The following GRIP1 variants were observed in gnomAD, a reference collection of about 807,000 sequenced individuals.
The protein encoded by GRIP1 is glutamate receptor interacting protein 1, also known as glutamate receptor-interacting protein 1.
GRIP1 carries 45 observed loss-of-function variants against 129.9 expected under a neutral mutation model. The observed-to-expected ratio is 0.35, with a 90% confidence interval of 0.27 to 0.44. The LOEUF (loss-of-function observed/expected upper bound fraction) is 0.44, where lower values mean the gene tolerates loss of function less well. Among genes scored for constraint, GRIP1 ranks in the 20% least tolerant of loss-of-function variants. GRIP1 has a pLI of 1.00. For synonymous variants in GRIP1, 530 were observed against 520.8 expected (o/e 1.02, Z -0.24); for missense variants, 1,196 against 1,396.8 (o/e 0.86, Z 2.29).
At chr12:66,522,070 C>T (rs562682041) in intron 5 of GRIP1, among the ~76,000 whole-genome samples, 1 of 152,308 alleles carries the variant, frequency 6.6e-6, no homozygotes, top group East Asian at 1.9e-4. Flanking sequence ...ATCCACCTCT[C>T]GGGGCAGGGC....
intron 11 of GRIP1, among the ~76,000 whole-genome samples, chr12:66,447,228 G>T (rs1030814617): frequency 2.0e-5 from 3 of 151,856 alleles, no homozygotes; most frequent in African/African-American, 7.3e-5. Context: ...TTTTAATAAT[G>T]CATCTCCTAG....
At chr12:67,046,995 A>C (rs1288516993) in intron 1 of GRIP1, among the ~76,000 whole-genome samples, 1 of 152,198 alleles carries the variant, frequency 6.6e-6, no homozygotes, top group Non-Finnish European at 1.5e-5. Context: ...TTACCTAATC[A>C]AACTGACATT....
intron 23 of GRIP1, among the ~76,000 whole-genome samples, chr12:66,359,863 C>G (rs1222701270): frequency 6.6e-6 from 1 of 151,972 alleles, no homozygotes; most frequent in African/African-American, 2.4e-5. Context: ...TGCCATATAC[C>G]CCTGTTTACC....
rs908653394 is a variant in GRIP1, at chr12:66,992,148, AATTGC to A, written c.58+76897_58+76901del. 6.8e-4 allele frequency among the ~76,000 whole-genome samples: 103 copies of A among 152,340 alleles called. 1 individual carries two copies. The highest frequency in any genetic ancestry group is 6.8e-3 in the Middle Eastern group (2 of 294). ...CCTCCAAATGCAGATATCCAGAAACAATTGCAAAAAATTAAAGCATAATTTATGAA... is the reference window on the plus strand; with the variant it reads ...CCTCCAAATGCAGATATCCAGAAACAAAAAAATTAAAGCATAATTTATGAA... On this transcript the variant is annotated intron_variant, in intron 1 of 1. Transcript: ENST00000643019.
At chr12:66,875,424 G>A (rs573128785) in intron 1 of GRIP1, among the ~76,000 whole-genome samples, 1 of 152,182 alleles carries the variant, frequency 6.6e-6, no homozygotes, top group Admixed American at 6.6e-5. Context: ...TGACCTGGAT[G>A]AGGTTACATA....
At chr12:66,677,020 C>A (rs1292749049) in intron 1 of GRIP1, among the ~76,000 whole-genome samples, 2 of 152,108 alleles carry the variant, frequency 1.3e-5, no homozygotes, top group Non-Finnish European at 2.9e-5. Context: ...CAAAGAAGAA[C>A]CCAATTATGG....
At chr12:66,462,801 C>CAAAA (rs34456744) in intron 9 of GRIP1, 123 bp downstream of exon 9, 117 of 363,364 alleles carry the variant, frequency 3.2e-4, no homozygotes, top group Middle Eastern at 1.7e-3. Flanking sequence ...GACTCCATCT[C>CAAAA]AAAAAAAAAA....
At chr12:66,583,590 G>T (rs2063493209) in intron 2 of GRIP1, among the ~76,000 whole-genome samples, 1 of 138,076 alleles carries the variant, frequency 7.2e-6, no homozygotes, top group East Asian at 2.1e-4. Flanking sequence ...ATCAAAAAGT[G>T]GGCGAAGGAC....
chr12:67,055,484 T>C (rs528718519), intron 1 of GRIP1, among the ~76,000 whole-genome samples: 1 of 152,168 alleles, frequency 6.6e-6, no homozygotes, highest in East Asian at 1.9e-4. Context: ...CAAGACAGGG[T>C]TGTAGTTATT....
chr12:66,824,811 G>A (rs2039380584), intron 1 of GRIP1, among the ~76,000 whole-genome samples: 1 of 151,920 alleles, frequency 6.6e-6, no homozygotes, highest in South Asian at 2.1e-4. Context: ...TTAAGAGGGG[G>A]CATAATTTTT....
intron 1 of GRIP1, among the ~76,000 whole-genome samples, chr12:66,645,068 A>G (rs2032246981): frequency 2.0e-5 from 3 of 152,210 alleles, no homozygotes; most frequent in African/African-American, 7.2e-5. Context: ...ACAAATTCAG[A>G]TTCACACCCA....
chr12:66,924,652 C>T (rs772891160), intron 1 of GRIP1, among the ~76,000 whole-genome samples: 11 of 152,138 alleles, frequency 7.2e-5, no homozygotes, highest in Non-Finnish European at 1.3e-4. Context: ...CGATGCCTCA[C>T]TCATAAGAGA....
At chr12:66,497,716 TG>T (rs1323027617) in intron 7 of GRIP1, among the ~76,000 whole-genome samples, 1 of 152,016 alleles carries the variant, frequency 6.6e-6, no homozygotes, top group Non-Finnish European at 1.5e-5. Flanking sequence ...CACGGACAAG[TG>T]TGTGGACAGC....
Position 66,511,884 on chromosome 12 carries a change from C to A in GRIP1, c.724+3735G>T, listed in dbSNP as rs536220024. Among the ~76,000 whole-genome samples, 9 of 152,184 alleles carry A rather than the reference C, an allele frequency of 5.9e-5. No individual in the cohort carries two copies. The South Asian group carries it at 1.9e-3, about 32-fold the overall frequency. ...AGTTGATATAGTTTGGCTTTGTGTT[C>A]CTACCCAAATCTCCTCTTGAATTGT... On this transcript the variant is annotated intron_variant, in intron 7 of 24. Transcript: ENST00000359742.
intron 1 of GRIP1, among the ~76,000 whole-genome samples, chr12:66,777,651 T>C (rs2038024157): frequency 6.6e-6 from 1 of 152,118 alleles, no homozygotes; most frequent in African/African-American, 2.4e-5. Flanking sequence ...ACATAGTAGG[T>C]TGTCAATAAG....
At chr12:66,430,467 T>C (rs907126534) in intron 14 of GRIP1, among the ~76,000 whole-genome samples, 1 of 152,206 alleles carries the variant, frequency 6.6e-6, no homozygotes, top group Non-Finnish European at 1.5e-5. Flanking sequence ...GGTTTTTAGA[T>C]TGTTGCCATT....
chr12:66,382,411 T>A (rs2056151927), intron 19 of GRIP1, among the ~76,000 whole-genome samples: 1 of 151,890 alleles, frequency 6.6e-6, no homozygotes, highest in African/African-American at 2.4e-5. Context: ...AAGACCAAGG[T>A]TCAAATCCTA....
Position 66,347,875 on chromosome 12 carries a change from A to C in GRIP1, c.*1144T>G, listed in dbSNP as rs1034391857. 3 of 152,226 alleles carry C rather than the reference A, an allele frequency of 2.0e-5. 1 individual carries two copies. Among genetic ancestry groups the C allele is most frequent in the Admixed American group, 1.3e-4 (2 of 15,276 alleles). The allele number at this position is 152,226 out of a possible 1,614,324, so 9.4% of individuals were successfully genotyped here. On this transcript the variant is annotated 3_prime_UTR_variant, in exon 25 of 25. Coordinates refer to ENST00000359742, the MANE Select transcript of GRIP1 (RefSeq NM_001366722.1). The stretch of plus-strand genomic sequence containing the variant: ...GGAAAATAATCATTTCAATATGGAG[A>C]GTCTACCATCAATATACAGATCTAT...
intron 7 of GRIP1, among the ~76,000 whole-genome samples, chr12:66,511,198 T>C (rs1329293449): frequency 2.0e-5 from 3 of 152,174 alleles, no homozygotes; most frequent in African/African-American, 7.2e-5. Flanking sequence ...ACAAGTTCTC[T>C]TCTCCTGTCT....
Sources: gnomAD v4.1 joint callset for allele counts (sites outside exome capture counted in the v4.1 genomes callset) on GRCh38, gnomAD v4.1.1 for gene constraint, MANE v1.5 for transcripts, NCBI Gene and HGNC (gene_info 2026-07-23, HGNC 2026-07-21) for gene names.